Variants in MYO9B observed in about 807,000 individuals in gnomAD.
MYO9B encodes the protein unconventional myosin-IXb.
A neutral mutation model predicts 229.5 loss-of-function variants in MYO9B; 71 were observed. The observed-to-expected ratio is 0.31, with a 90% CI of 0.26 to 0.38. The LOEUF is 0.38. Among genes scored for constraint, MYO9B ranks in the 10% least tolerant of loss-of-function variants. The probability of loss-of-function intolerance (pLI) is 1.00; values close to 1 mark genes in which losing one functional copy is unlikely to be tolerated. For missense variants in MYO9B, 2,255 were observed against 2,920.5 expected (o/e 0.77, Z 5.25); for synonymous variants, 1,185 against 1,235.8 (o/e 0.96, Z 0.86).
intron 13 of MYO9B, 48 bp from the exon 14 acceptor site, chr19:17,175,615 C>T: frequency 7.1e-7 from 1 of 1,412,902 alleles, no homozygotes; most frequent in Non-Finnish European, 9.6e-7. Context: ...TAATTGCAGC[C>T]TCCATAGGAG....
intron 20 of MYO9B, 140 bp from the exon 21 acceptor site, chr19:17,192,602 TAATA>T (rs36099788): frequency 0.46 from 232,227 of 502,062 alleles, 60,902 homozygotes; most frequent in East Asian, 0.75. Flanking sequence ...CTCAAAAAAA[TAATA>T]AATAAATAAA....
At chr19:17,087,840 G>C (rs1238896871) in intron 1 of MYO9B, among the ~76,000 whole-genome samples, 1 of 151,406 alleles carries the variant, frequency 6.6e-6, no homozygotes, top group Non-Finnish European at 1.5e-5. Context: ...GGAGACAGGA[G>C]AATCACTTGT....
intron 1 of MYO9B, among the ~76,000 whole-genome samples, chr19:17,092,112 G>A (rs1296441627): frequency 1.3e-5 from 2 of 152,242 alleles, no homozygotes; most frequent in Non-Finnish European, 2.9e-5. Context: ...TCAGTGGGTG[G>A]CAGAGGCTGC....
intron 2 of MYO9B, among the ~76,000 whole-genome samples, chr19:17,112,260 G>T (rs1477370662): frequency 6.6e-6 from 1 of 152,186 alleles, no homozygotes; most frequent in Non-Finnish European, 1.5e-5. Context: ...CGTGCTAATG[G>T]CTGGAGCCAC....
At chr19:17,077,760 C>G (rs1000416058) in intron 1 of MYO9B, among the ~76,000 whole-genome samples, 3 of 152,234 alleles carry the variant, frequency 2.0e-5, no homozygotes, top group African/African-American at 4.8e-5. Context: ...ACAGCACCCC[C>G]ACTCTCCATT....
chr19:17,163,470 A>G (rs957656104), intron 10 of MYO9B, among the ~76,000 whole-genome samples: 2 of 148,814 alleles, frequency 1.3e-5, no homozygotes, highest in Non-Finnish European at 3.0e-5. Context: ...TCCTAGGCTC[A>G]AGTGATCCTT....
intron 2 of MYO9B, among the ~76,000 whole-genome samples, chr19:17,123,430 G>GTGTT (rs753063508): frequency 1.0e-5 from 1 of 99,048 alleles, no homozygotes; most frequent in African/African-American, 4.3e-5. Flanking sequence ...AAATTTGTGT[G>GTGTT]TGTGTGTGTG....
At chr19:17,089,683 G>A (rs552346094) in intron 1 of MYO9B, among the ~76,000 whole-genome samples, 13 of 152,254 alleles carry the variant, frequency 8.5e-5, no homozygotes, top group African/African-American at 2.9e-4. Context: ...CCTGAATTGA[G>A]ATTGGCATTT....
At chr19:17,162,877 C>CCTGTT in intron 9 of MYO9B, 111 bp from the exon 10 acceptor site, 1 of 1,217,104 alleles carries the variant, frequency 8.2e-7, no homozygotes, top group South Asian at 1.5e-5. Context: ...TGCCGAGCAA[C>CCTGTT]AGGGACTGGG....
intron 11 of MYO9B, among the ~76,000 whole-genome samples, chr19:17,168,557 T>G (rs970241547): frequency 1.3e-5 from 2 of 152,200 alleles, no homozygotes; most frequent in African/African-American, 4.8e-5. Context: ...TGTGAAAACA[T>G]CAACACGTGT....
rs1171319915 is a variant in MYO9B at position 17,172,801 on chromosome 19, G to A, written c.1978G>A (p.Val660Met). The change falls in exon 13 of 40, where the codon GTG (valine) becomes ATG (methionine). Residue 660 changes from valine (V) to methionine (M), a missense_variant. Around this residue, in one of 7 missense-constraint regions of MYO9B, gnomAD observed 220 missense variants for 404.5 expected, o/e 0.54. Transcript: ENST00000682292. This position sits in a 1 kb window ranked among gnomAD's most constrained non-coding sequence, Gnocchi z 8.2. ...KNMDYMRPDI[V>M]ALLRGSDSSY... Reference sequence around the variant, plus strand: ...CATGGACTACATGCGGCCAGACATCGTGGCCCTGCTGCGGGGCAGTGACAG... The same window carrying A: ...CATGGACTACATGCGGCCAGACATCATGGCCCTGCTGCGGGGCAGTGACAG... 4.3e-6 allele frequency: 7 copies of A among 1,613,220 alleles called. No homozygotes were observed. Among genetic ancestry groups the A allele is most frequent in the African/African-American group, 1.3e-5 (1 of 74,922 alleles).
At position 17,172,234 on chromosome 19, in the gene MYO9B, TG is replaced by T; in HGVS notation, c.1794-101del. ...CCACTTCACTGCTCTGCCCACCCCA[TG>T]CACCCACCCACCTCGTGCACCAGGG... On this transcript the variant is annotated intron_variant, in intron 11 of 39. Transcript: ENST00000682292. This position sits in a 1 kb window ranked among gnomAD's most constrained non-coding sequence, Gnocchi z 8.2. 2.2e-6 allele frequency: 2 copies of T among 918,662 alleles called. No individual in the cohort carries two copies. The highest frequency in any genetic ancestry group is 3.2e-6 in the Non-Finnish European group (2 of 631,852). 56.9% of individuals were successfully genotyped at this position (918,662 alleles called of 1,614,324 possible).
chr19:17,136,446 C>T (rs2072270626), intron 2 of MYO9B, among the ~76,000 whole-genome samples: 1 of 152,148 alleles, frequency 6.6e-6, no homozygotes, highest in Non-Finnish European at 1.5e-5. Context: ...ACCTAGAATG[C>T]AGCACATATG....
intron 2 of MYO9B, among the ~76,000 whole-genome samples, chr19:17,115,054 T>C (rs935891735): frequency 6.6e-6 from 1 of 151,804 alleles, no homozygotes; most frequent in African/African-American, 2.4e-5. Context: ...AGTGGTCCAG[T>C]CATAGTTCAC....
At position 17,188,004 on chromosome 19, in the gene MYO9B, C is replaced by T. The variant is rs775138361; in HGVS notation, c.2647C>T (p.Arg883Cys). ...LRYTGMLETV[R>C]IRRSGYSAKY... ...CTACACCGGCATGCTGGAGACCGTG[C>T]GCATCCGGAGGTCAGGGTACAGCGC... The change falls in exon 19 of 40, where the codon CGC (arginine) becomes TGC (cysteine). Residue 883 changes from arginine to cysteine, a missense_variant. Arg to Cys is a radical substitution (Grantham distance 180). Transcript: ENST00000682292. 1.2e-5 allele frequency: 19 copies of T among 1,600,910 alleles called. No individual in the cohort carries two copies. The highest frequency in any genetic ancestry group is 2.7e-5 in the African/African-American group (2 of 74,670).
At chr19:17,144,232 G>T (rs1351607329) in intron 2 of MYO9B, among the ~76,000 whole-genome samples, 1 of 151,668 alleles carries the variant, frequency 6.6e-6, no homozygotes, top group Non-Finnish European at 1.5e-5. Flanking sequence ...AATATTAAAA[G>T]GTTAAAAAAT....
intron 2 of MYO9B, among the ~76,000 whole-genome samples, chr19:17,127,615 C>A (rs1210444316): frequency 6.6e-6 from 1 of 152,184 alleles, no homozygotes; most frequent in Non-Finnish European, 1.5e-5. Context: ...ATGTGTGAGC[C>A]ACCATACCCA....
At chr19:17,168,160 C>G in intron 11 of MYO9B, 96 bp downstream of exon 11, 1 of 1,478,134 alleles carries the variant, frequency 6.8e-7, no homozygotes, top group Admixed American at 2.1e-5. Context: ...TCCAGACTTT[C>G]CCAAGAGCGC....
intron 2 of MYO9B, among the ~76,000 whole-genome samples, chr19:17,107,349 G>A (rs2057802303): frequency 6.6e-6 from 1 of 152,164 alleles, no homozygotes; most frequent in Admixed American, 6.5e-5. Context: ...CCTGAGCCCC[G>A]CAGAAATGAC....
Sources: gnomAD v4.1 joint callset for allele counts (sites outside exome capture counted in the v4.1 genomes callset) on GRCh38, gnomAD v4.1.1 for gene constraint, gnomAD v4.1.1 regional missense constraint, Gnocchi (gnomAD v3.1) non-coding constraint, MANE v1.5 for transcripts, NCBI Gene and HGNC (gene_info 2026-07-23, HGNC 2026-07-21) for gene names.